Variants in SLC25A26 observed in about 807,000 individuals in gnomAD.
SLC25A26 encodes the protein solute carrier family 25 member 26.
In SLC25A26, 36 loss-of-function variants were observed where a neutral mutation model predicts 37.8. The ratio of observed to expected loss-of-function variants is 0.95; its 90% confidence interval spans 0.73 to 1.26. SLC25A26 has a LOEUF of 1.26. Among genes scored for constraint, SLC25A26 ranks in the 50% most tolerant of loss-of-function variants. The pLI, the probability that SLC25A26 is intolerant of heterozygous loss-of-function variation, is 0.00. For synonymous variants in SLC25A26, 129 were observed against 122.5 expected (o/e 1.05, Z -0.35); for missense variants, 390 against 331.1 (o/e 1.18, Z -1.38).
At chr3:66,282,098 G>A (rs1462669758) in intron 5 of SLC25A26, among the ~76,000 whole-genome samples, 6 of 138,456 alleles carry the variant, frequency 4.3e-5, no homozygotes, top group South Asian at 2.3e-4. Context: ...TGCAAGCTCC[G>A]CTTCCCAGGT....
intron 1 of SLC25A26, among the ~76,000 whole-genome samples, chr3:66,196,117 A>AG: frequency 7.4e-6 from 1 of 135,618 alleles, no homozygotes; most frequent in Non-Finnish European, 1.6e-5. Flanking sequence ...TATCTACATT[A>AG]ATTACTATCT....
intron 5 of SLC25A26, among the ~76,000 whole-genome samples, chr3:66,345,682 C>T (rs1248898137): frequency 1.3e-5 from 2 of 152,132 alleles, no homozygotes; most frequent in African/African-American, 4.8e-5. Flanking sequence ...CCACCCCTTA[C>T]CTTCCTTCTC....
chr3:66,341,421 C>CT (rs1365031823), intron 5 of SLC25A26, among the ~76,000 whole-genome samples: 1 of 152,106 alleles, frequency 6.6e-6, no homozygotes, highest in Non-Finnish European at 1.5e-5. Flanking sequence ...AATTGGCACT[C>CT]TAACATGTAA....
chr3:66,202,373 T>TG (rs1162463283), intron 1 of SLC25A26, among the ~76,000 whole-genome samples: 1 of 151,696 alleles, frequency 6.6e-6, no homozygotes, highest in Non-Finnish European at 1.5e-5. Context: ...GGGGTGCGGG[T>TG]GCAAGGGGAC....
intron 5 of SLC25A26, among the ~76,000 whole-genome samples, chr3:66,318,066 G>A (rs551322707): frequency 6.6e-6 from 1 of 152,306 alleles, no homozygotes; most frequent in South Asian, 2.1e-4. Context: ...GTGCTGGCTG[G>A]TGGGGATTCC....
intron 3 of SLC25A26, among the ~76,000 whole-genome samples, chr3:66,257,815 T>C (rs35322638): frequency 0.16 from 25,062 of 152,078 alleles, 2,508 homozygotes; most frequent in Non-Finnish European, 0.23. Context: ...CTCATCTCCC[T>C]CAATCCCTTA....
rs1191337679 is a variant in SLC25A26, at chr3:66,297,917, C to G, written c.453+34538C>G. ...TTAATTCTAAGTTCTCAAAAGATGT[C>G]TGTCTTTAAAGGATATAGCATATCA... On this transcript the variant is annotated intron_variant, in intron 5 of 9. Coordinates refer to ENST00000354883, the MANE Select transcript of SLC25A26 (RefSeq NM_001379210.1). Among the ~76,000 whole-genome samples the G allele has an allele frequency of 2.6e-5, 4 of 152,284 alleles. No individual in the cohort carries two copies. In the South Asian group the frequency reaches 8.3e-4, roughly 32 times the overall value.
At chr3:66,357,184 T>TG (rs1335887171) in intron 6 of SLC25A26, among the ~76,000 whole-genome samples, 1 of 152,026 alleles carries the variant, frequency 6.6e-6, no homozygotes. Context: ...GAGGCTGGGG[T>TG]GGGAGGATCA....
chr3:66,194,804 T>C (rs2071014957), intron 1 of SLC25A26, among the ~76,000 whole-genome samples: 1 of 152,240 alleles, frequency 6.6e-6, no homozygotes, highest in Non-Finnish European at 1.5e-5. Context: ...TTTCTTCGTG[T>C]TGGCCAGGCT....
In SLC25A26 at chr3:66,157,792, T is replaced by A. The variant is rs530249862; in HGVS notation, c.-354+23808T>A. ...GTATCCTTCATTTTAAACATTTATT[T>A]AAAAAAATTTTTTTGAGACAGGGTC... is the stretch of plus-strand genomic sequence containing the variant. On this transcript the variant is annotated intron_variant, in intron 1 of 10. Transcript: ENST00000676754. Among the ~76,000 whole-genome samples the A allele has an allele frequency of 4.6e-5, 7 of 152,312 alleles. No homozygotes were observed. The South Asian group carries it at 8.3e-4, about 18-fold the overall frequency.
chr3:66,317,774 G>C (rs2075579991), intron 5 of SLC25A26, among the ~76,000 whole-genome samples: 1 of 152,148 alleles, frequency 6.6e-6, no homozygotes, highest in African/African-American at 2.4e-5. Flanking sequence ...TCCTGTCAGG[G>C]ATATCAGAGT....
chr3:66,257,307 G>T (rs1442215463), intron 3 of SLC25A26, among the ~76,000 whole-genome samples: 1 of 151,882 alleles, frequency 6.6e-6, no homozygotes, highest in Non-Finnish European at 1.5e-5. Context: ...GCATCTAATT[G>T]CATAAATATA....
chr3:66,223,655 G>T (rs2071604309), intron 1 of SLC25A26, among the ~76,000 whole-genome samples: 1 of 152,158 alleles, frequency 6.6e-6, no homozygotes, highest in Non-Finnish European at 1.5e-5. Context: ...GATTGCTGAA[G>T]TCTTGAAACT....
At chr3:66,328,010 A>AT (rs1331138870) in intron 5 of SLC25A26, among the ~76,000 whole-genome samples, 1 of 152,126 alleles carries the variant, frequency 6.6e-6, no homozygotes, top group Non-Finnish European at 1.5e-5. Flanking sequence ...CCTCAAAAAT[A>AT]TTAAAGTGAA....
chr3:66,265,133 T>A (rs547237424), intron 5 of SLC25A26, among the ~76,000 whole-genome samples: 214 of 152,086 alleles, frequency 1.4e-3, no homozygotes, highest in Non-Finnish European at 2.7e-3. Context: ...GGCAACATTG[T>A]GAGACCCTGT....
chr3:66,235,570 A>G (rs1188616618), intron 1 of SLC25A26, among the ~76,000 whole-genome samples: 2 of 152,252 alleles, frequency 1.3e-5, no homozygotes, highest in Non-Finnish European at 2.9e-5. Context: ...TTATTAAAAT[A>G]CAGATCCAGA....
chr3:66,150,627 T>G (rs1241482655), intron 1 of SLC25A26, among the ~76,000 whole-genome samples: 2 of 75,762 alleles, frequency 2.6e-5, no homozygotes, highest in African/African-American at 1.1e-4. Flanking sequence ...TATATATATA[T>G]ATATATATAT....
intron 5 of SLC25A26, among the ~76,000 whole-genome samples, chr3:66,286,918 C>G (rs912326594): frequency 2.6e-5 from 4 of 152,104 alleles, no homozygotes; most frequent in Admixed American, 6.5e-5. Flanking sequence ...CCAACACAGC[C>G]TCCTGAAGTG....
chr3:66,219,550 G>C (rs1012428965), upstream of SLC25A26, among the ~76,000 whole-genome samples: 5 of 152,280 alleles, frequency 3.3e-5, no homozygotes, highest in African/African-American at 1.2e-4. Flanking sequence ...TTTTGAGAGG[G>C]CCTACAGGCA....
Sources: gnomAD v4.1 joint callset for allele counts (sites outside exome capture counted in the v4.1 genomes callset) on GRCh38, gnomAD v4.1.1 for gene constraint, MANE v1.5 for transcripts, NCBI Gene and HGNC (gene_info 2026-07-23, HGNC 2026-07-21) for gene names.